NBN: variants seen among roughly 807,000 people sequenced by gnomAD.
The protein encoded by NBN is Nijmegen breakage syndrome 1 (nibrin).
A neutral mutation model predicts 90.8 loss-of-function variants in NBN; 88 were observed. That is an observed-to-expected ratio of 0.97 (90% CI 0.82 to 1.16). The LOEUF (loss-of-function observed/expected upper bound fraction) is 1.16, where lower values mean the gene tolerates loss of function less well. Among genes scored for constraint, NBN ranks in the 50% most tolerant of loss-of-function variants. The pLI is 0.00. For synonymous variants in NBN, 328 were observed against 295.1 expected (o/e 1.11, Z -1.14); for missense variants, 894 against 869.6 (o/e 1.03, Z -0.35).
chr8:89,953,515 T>A lies in NBN; in HGVS notation c.1574A>T (p.Asp525Val). The A allele has an allele frequency of 6.2e-7, 1 of 1,613,758 alleles. No homozygotes were observed. The highest frequency in any genetic ancestry group is 8.5e-7 in the Non-Finnish European group (1 of 1,179,758). ...DTNSDNNLFT[D>V]TDLKSIVKNS... ...TTTCACAATAGATTTTAAATCTGTA[T>A]CTGTAAATAAGTTATTGTCTGAGTT... Residue 525 changes from aspartate (D) to valine (V), a missense_variant, in exon 11 of 16, where the codon GAT (aspartate) becomes GTT (valine). Asp to Val is a radical substitution (Grantham distance 152). Coordinates refer to ENST00000265433, the MANE Select transcript of NBN (RefSeq NM_002485.5).
At chr8:89,943,169 G>T in intron 14 of NBN, 84 bp downstream of exon 14, 1 of 1,424,378 alleles carries the variant, frequency 7.0e-7, no homozygotes, top group Non-Finnish European at 9.9e-7. Context: ...TTTTAATTTG[G>T]TTTTAAGAAG....
intron 8 of NBN, among the ~76,000 whole-genome samples, chr8:89,963,635 T>C (rs974749528): frequency 1.5e-4 from 23 of 152,210 alleles, no homozygotes; most frequent in African/African-American, 5.1e-4. Flanking sequence ...TCTGAATACA[T>C]TGGCTTTCAT....
intron 14 of NBN, among the ~76,000 whole-genome samples, chr8:89,942,394 T>C (rs1016876776): frequency 6.6e-6 from 1 of 152,148 alleles, no homozygotes; most frequent in Admixed American, 6.6e-5. Flanking sequence ...GTATCTTTTC[T>C]AGAGGAAATA....
intron 15 of NBN, 94 bp from the exon 16 acceptor site, chr8:89,935,706 C>A (rs2130736006): frequency 6.8e-7 from 1 of 1,465,258 alleles, no homozygotes; most frequent in Non-Finnish European, 9.4e-7. Flanking sequence ...CACACTTTGG[C>A]AAATAGGATG....
At chr8:89,963,099 G>T (rs1422216011) in intron 8 of NBN, among the ~76,000 whole-genome samples, 2 of 152,112 alleles carry the variant, frequency 1.3e-5, no homozygotes, top group Non-Finnish European at 2.9e-5. Context: ...GCTTACTCTA[G>T]TCTCTGCACA....
At chr8:89,936,087 CTTT>C (rs35393048) in intron 15 of NBN, 1,612 of 277,544 alleles carry the variant, frequency 5.8e-3, no homozygotes, top group South Asian at 7.8e-3. Context: ...TCTGTCAACA[CTTT>C]TTTTTTTTTT....
chr8:89,980,902 G>A lies in NBN; in HGVS notation c.321-9C>T, dbSNP rs760664393. On this transcript the variant is annotated splice_polypyrimidine_tract_variant and intron_variant, in intron 3 of 15. Transcript: ENST00000265433. ...AAGGCTCATACTCTATTCTGTAAAT[G>A]AGAATAAGTTAAATAAAGTCATAGT... is the stretch of plus-strand genomic sequence containing the variant. The A allele has an allele frequency of 2.5e-6, 4 of 1,610,622 alleles. No homozygotes were observed. The highest frequency in any genetic ancestry group is 3.4e-6 in the Non-Finnish European group (4 of 1,178,096).
At chr8:89,958,634 G>C (rs1805818) in intron 9 of NBN, 91 bp downstream of exon 9, 11 of 1,429,160 alleles carry the variant, frequency 7.7e-6, no homozygotes, top group South Asian at 1.2e-5. Context: ...TCTCTCTCAA[G>C]AGACAACCTG....
intron 5 of NBN, among the ~76,000 whole-genome samples, chr8:89,976,638 C>G (rs972140843): frequency 2.6e-5 from 4 of 152,136 alleles, no homozygotes; most frequent in African/African-American, 9.7e-5. Context: ...TTTACAGCAC[C>G]CTCCTCAGTG....
chr8:89,971,366 T>C, intron 5 of NBN, 76 bp from the exon 6 acceptor site: 1 of 1,475,160 alleles, frequency 6.8e-7, no homozygotes, highest in Non-Finnish European at 9.2e-7. Flanking sequence ...AGTGACTATC[T>C]GACACTCAAA....
chr8:89,950,594 T>A (rs537245200), intron 11 of NBN, among the ~76,000 whole-genome samples: 71 of 152,240 alleles, frequency 4.7e-4, no homozygotes, highest in African/African-American at 1.5e-3. Context: ...CAACAACATA[T>A]TTTGTACTGT....
chr8:89,976,859 T>A (rs543467957), intron 5 of NBN, among the ~76,000 whole-genome samples: 1 of 152,166 alleles, frequency 6.6e-6, no homozygotes, highest in East Asian at 1.9e-4. Flanking sequence ...CCAACTGGAG[T>A]ATAAATACAA....
chr8:89,977,595 T>C (rs897802895), intron 5 of NBN, among the ~76,000 whole-genome samples: 15 of 152,196 alleles, frequency 9.9e-5, no homozygotes, highest in Admixed American at 3.3e-4. Context: ...TACCCAGTAA[T>C]GGGATTGCTG....
At chr8:89,967,171 C>T (rs1811293942) in intron 7 of NBN, among the ~76,000 whole-genome samples, 1 of 152,192 alleles carries the variant, frequency 6.6e-6, no homozygotes, top group African/African-American at 2.4e-5. Flanking sequence ...CTACCACATT[C>T]CAAAGATGTG....
intron 14 of NBN, among the ~76,000 whole-genome samples, chr8:89,938,725 G>A (rs534999530): frequency 1.3e-5 from 2 of 152,170 alleles, no homozygotes; most frequent in African/African-American, 4.8e-5. Context: ...GCAGGGATTC[G>A]ATCTTACAGA....
Position 89,971,197 on chromosome 8 carries a change from T to C in NBN, c.678A>G (p.Thr226=), listed in dbSNP as rs878854513. Residue 226 remains threonine, a synonymous_variant, in exon 6 of 16, where the codon ACA becomes ACG. Coordinates refer to ENST00000265433, the MANE Select transcript of NBN (RefSeq NM_002485.5). ...CCTGTTTGGCATTCAAAAATATAAA[T>C]GTTTTCCCTTTGAAGATTTGTTTTC... ...QERKQIFKGK[T]FIFLNAKQHK... 5 of 1,613,038 alleles carry C rather than the reference T, an allele frequency of 3.1e-6. No homozygotes were observed. The highest frequency in any genetic ancestry group is 4.2e-6 in the Non-Finnish European group (5 of 1,179,386).
chr8:89,975,293 C>T (rs1035763011), intron 5 of NBN, among the ~76,000 whole-genome samples: 1 of 152,110 alleles, frequency 6.6e-6, no homozygotes, highest in Non-Finnish European at 1.5e-5. Context: ...TAATTTAAAT[C>T]CAGGACTAGC....
chr8:89,973,548 T>C (rs1420314956), intron 5 of NBN, among the ~76,000 whole-genome samples: 1 of 152,160 alleles, frequency 6.6e-6, no homozygotes, highest in East Asian at 1.9e-4. Flanking sequence ...ACATAGATAA[T>C]TGATAACACA....
intron 5 of NBN, 28 bp downstream of exon 5, chr8:89,978,192 C>A (rs1002631080): frequency 1.3e-6 from 2 of 1,564,466 alleles, no homozygotes; most frequent in Non-Finnish European, 1.8e-6. Flanking sequence ...TAAGTGACAT[C>A]TTGTTATATT....
Sources: gnomAD v4.1 joint callset for allele counts (sites outside exome capture counted in the v4.1 genomes callset) on GRCh38, gnomAD v4.1.1 for gene constraint, MANE v1.5 for transcripts, NCBI Gene and HGNC (gene_info 2026-07-23, HGNC 2026-07-21) for gene names.